The following DMAC2 variants were observed in gnomAD, a reference collection of about 807,000 sequenced individuals.
DMAC2 encodes the protein distal membrane arm assembly component 2, also known as distal membrane-arm assembly complex protein 2.
In DMAC2, 32 loss-of-function variants were observed where a neutral mutation model predicts 29.6. The ratio of observed to expected loss-of-function variants is 1.08; its 90% CI spans 0.81 to 1.45. DMAC2 has a LOEUF of 1.45. Among genes scored for constraint, DMAC2 ranks in the 40% most tolerant of loss-of-function variants. DMAC2 has a pLI of 0.00. For synonymous variants in DMAC2, 133 were observed against 137.4 expected, an observed-to-expected ratio of 0.97 and a Z score of 0.23; for missense variants, 319 against 340.0, an observed-to-expected ratio of 0.94 and a Z score of 0.49.
rs1568519660 is a variant in DMAC2, at chr19:41,433,534, C to CA, written c.433+2dup. The CA allele has an allele frequency of 6.2e-7, 1 of 1,614,240 alleles. No homozygotes were observed. Among genetic ancestry groups the CA allele is most frequent in the East Asian group, 2.2e-5 (1 of 44,888 alleles). On this transcript the variant is annotated splice_region_variant and intron_variant, in intron 4 of 5. Transcript: ENST00000221943. Reference sequence around the variant, plus strand: ...TGTCCCATCTCCACCCCACCGCACTCACGGAGGTTATCCAGGCCCTCGTAG... The same window carrying CA: ...TGTCCCATCTCCACCCCACCGCACTCAACGGAGGTTATCCAGGCCCTCGTAG...
intron 5 of DMAC2, chr19:41,432,847 T>C: frequency 2.1e-6 from 1 of 469,286 alleles, no homozygotes; most frequent in Admixed American, 3.9e-5. Context: ...ATTTCAACCT[T>C]ACAGGACAGT....
In DMAC2 at chr19:41,432,511, G is replaced by A. The variant is rs1478212167; in HGVS notation, c.597-103C>T. 5.1e-5 allele frequency: 58 copies of A among 1,127,190 alleles called. 1 individual carries two copies. In the South Asian group the frequency reaches 6.1e-4, roughly 12 times the overall value. The allele number at this position is 1,127,190 out of a possible 1,614,324, so 69.8% of individuals were successfully genotyped here. A position where few individuals can be genotyped will look rare whatever the true frequency, so the allele number is the denominator to read the frequency against. ...GTGCGTGTGTGTGTGTGTATAGGCA[G>A]GTAAGCCAGTGTAAGGACAGCGTGT... On this transcript the variant is annotated intron_variant, in intron 5 of 5. Transcript: ENST00000221943.
intron 1 of DMAC2, chr19:41,439,498 C>T (rs1347290196): frequency 1.3e-6 from 2 of 1,536,968 alleles, no homozygotes; most frequent in Admixed American, 3.9e-5. Flanking sequence ...CTTCTAAGAC[C>T]AAATCCCACA....
rs781957938 is a variant in DMAC2, at chr19:41,432,270, C to T, written c.735G>A (p.Glu245=). The change falls in exon 6 of 6, where the codon GAG becomes GAA. Residue 245 remains glutamate, a synonymous_variant. Coordinates refer to ENST00000221943, the MANE Select transcript of DMAC2 (RefSeq NM_018035.3). Reference sequence around the variant, plus strand: ...GGCTGGCTGTGTCCCGAGGCTGCTCCTCCGGCCCTGACTTCAGGCCCTCAG... The same window carrying T: ...GGCTGGCTGTGTCCCGAGGCTGCTCTTCCGGCCCTGACTTCAGGCCCTCAG... ...DWAEGLKSGP[E]EQPRDTASPV... is the part of the protein sequence containing the mutation. 6 of 1,614,026 alleles carry T rather than the reference C, an allele frequency of 3.7e-6. No homozygotes were observed. In the African/African-American group the frequency reaches 8.0e-5, roughly 22 times the overall value.
intron 5 of DMAC2, 133 bp from the exon 6 acceptor site, chr19:41,432,541 G>A (rs2039574398): frequency 1.3e-6 from 1 of 789,960 alleles, no homozygotes; most frequent in Non-Finnish European, 2.1e-6. Flanking sequence ...GCGTGTGTGT[G>A]TATAGGGAGG....
chr19:41,432,588 T>A (rs2039582962), intron 5 of DMAC2, 180 bp from the exon 6 acceptor site: 4 of 591,942 alleles, frequency 6.8e-6, no homozygotes, highest in Non-Finnish European at 8.9e-6. Context: ...TGTGTGTGTG[T>A]ATAGGGAGGT....
Position 41,433,406 on chromosome 19 carries a change from CG to C in DMAC2, c.461del (p.Ser154CysfsTer87). The C allele has an allele frequency of 6.2e-7, 1 of 1,613,448 alleles. No individual in the cohort carries two copies. The highest frequency in any genetic ancestry group is 1.1e-5 in the South Asian group (1 of 91,056). On this transcript the variant is annotated frameshift_variant, in exon 5 of 6. Coordinates refer to ENST00000221943, the MANE Select transcript of DMAC2 (RefSeq NM_018035.3). LOFTEE classifies it high-confidence loss of function. ...CGTCCACGTGGCAGCAGCGCTGCAG[CG>C]ACAAGGACTGGAGCTCCTTCAGGCG... ...LLRLKELQSL[S>X]LQRCCHVDDW... is the part of the protein sequence containing the mutation.
chr19:41,439,801 G>C (rs566093228), intron 1 of DMAC2, 81 bp downstream of exon 1: 1 of 1,600,720 alleles, frequency 6.2e-7, no homozygotes, highest in African/African-American at 1.3e-5. Flanking sequence ...TTCTGCTCTC[G>C]TGGCCGCCAA....
chr19:41,434,568 T>G (rs575152512), intron 3 of DMAC2, among the ~76,000 whole-genome samples: 68 of 150,536 alleles, frequency 4.5e-4, no homozygotes, highest in African/African-American at 1.4e-3. Flanking sequence ...CTAAGGAAGT[T>G]GCCAGAGGAA....
At position 41,431,442 on chromosome 19, in the gene DMAC2, G is replaced by A. The variant is rs553366873; in HGVS notation, c.*789C>T. 198 of 406,574 alleles carry A rather than the reference G, an allele frequency of 4.9e-4. No homozygotes were observed. The highest frequency in any genetic ancestry group is 7.9e-4 in the Non-Finnish European group (160 of 203,356). 25.2% of individuals were successfully genotyped at this position (406,574 alleles called of 1,614,324 possible). A position where few individuals can be genotyped will look rare whatever the true frequency, so the allele number is the denominator to read the frequency against. ...AAATCCATTTGGGGTGCTGGGGAAC[G>A]TTATTCCCAGAGAGGTGCCTCAGTG... On this transcript the variant is annotated 3_prime_UTR_variant, in exon 6 of 6. Coordinates refer to ENST00000221943, the MANE Select transcript of DMAC2 (RefSeq NM_018035.3).
At chr19:41,439,812 C>G in intron 1 of DMAC2, 70 bp downstream of exon 1, 1 of 1,608,482 alleles carries the variant, frequency 6.2e-7, no homozygotes, top group Non-Finnish European at 8.5e-7. Flanking sequence ...TGGCCGCCAA[C>G]AGAGGCCCTG....
Position 41,438,427 on chromosome 19 carries a change from A to G in DMAC2, c.19-13T>C, listed in dbSNP as rs781849249. 8.1e-6 allele frequency: 13 copies of G among 1,604,152 alleles called. No homozygotes were observed. Among genetic ancestry groups the G allele is most frequent in the Non-Finnish European group, 6.0e-6 (7 of 1,175,052 alleles). ...CCAGGCGCAGGGACTGGGGAGGGGG[A>G]GAGGAAAGGAGCTGAGCCTGGAGCC... is the stretch of plus-strand genomic sequence containing the variant. On this transcript the variant is annotated splice_polypyrimidine_tract_variant and intron_variant, in intron 1 of 5. Coordinates refer to ENST00000221943, the MANE Select transcript of DMAC2 (RefSeq NM_018035.3).
At chr19:41,432,668 G>GTA in intron 5 of DMAC2, 1 of 466,824 alleles carries the variant, frequency 2.1e-6, no homozygotes, top group Non-Finnish European at 3.9e-6. Flanking sequence ...GTGTGTGTGT[G>GTA]TGTGTGTGTA....
chr19:41,439,355 C>T, intron 1 of DMAC2: 2 of 629,736 alleles, frequency 3.2e-6, no homozygotes, highest in Non-Finnish European at 2.7e-6. Flanking sequence ...TCAAATTCTC[C>T]TCTTAATTTC....
At position 41,431,712 on chromosome 19, in the gene DMAC2, A is replaced by G; in HGVS notation, c.*519T>C. 4.2e-6 allele frequency: 1 copy of G among 238,936 alleles called. No homozygotes were observed. Among genetic ancestry groups the G allele is most frequent in the Non-Finnish European group, 8.4e-6 (1 of 119,176 alleles). 14.8% of individuals were successfully genotyped at this position (238,936 alleles called of 1,614,324 possible). On this transcript the variant is annotated 3_prime_UTR_variant, in exon 6 of 6. Coordinates refer to ENST00000221943, the MANE Select transcript of DMAC2 (RefSeq NM_018035.3). ...AGCCAACTGAAAAAGCTGAATTTGG[A>G]ACATAAAGTCAATAAATCCATAACC...
intron 1 of DMAC2, among the ~76,000 whole-genome samples, chr19:41,438,706 T>A (rs2040000236): frequency 6.6e-6 from 1 of 152,110 alleles, no homozygotes; most frequent in African/African-American, 2.4e-5. Flanking sequence ...AAACCTGCAT[T>A]ATTTGACCTC....
intron 1 of DMAC2, 152 bp from the exon 2 acceptor site, chr19:41,438,566 T>A: frequency 1.5e-6 from 1 of 676,322 alleles, no homozygotes; most frequent in African/African-American, 1.8e-5. Flanking sequence ...TCTTTGAGAT[T>A]CCAAAAATTT....
intron 2 of DMAC2, among the ~76,000 whole-genome samples, chr19:41,437,383 G>C (rs1555771553): frequency 6.6e-6 from 1 of 150,910 alleles, no homozygotes; most frequent in South Asian, 2.1e-4. Context: ...GCGACAGAGT[G>C]AGACTCTGTC....
intron 2 of DMAC2, among the ~76,000 whole-genome samples, chr19:41,437,851 C>A (rs782548926): frequency 4.6e-5 from 7 of 152,130 alleles, no homozygotes; most frequent in Non-Finnish European, 7.3e-5. Flanking sequence ...ATGTGGAGGG[C>A]AGGGAAGCAA....
Sources: allele counts gnomAD v4.1 joint callset (sites outside exome capture counted in the v4.1 genomes callset), GRCh38; gene constraint gnomAD v4.1.1; transcripts MANE v1.5; gene names NCBI Gene and HGNC (gene_info 2026-07-23, HGNC 2026-07-21).